The following PIGU variants were observed in gnomAD, a reference collection of about 807,000 sequenced individuals.
PIGU encodes the protein phosphatidylinositol glycan anchor biosynthesis class U, also known as GPI-anchor transamidase component PIGU.
A neutral mutation model predicts 49.9 loss-of-function variants in PIGU; 24 were observed. The ratio of observed to expected loss-of-function variants is 0.48; its 90% CI spans 0.35 to 0.68. The LOEUF is 0.68. Ranked by LOEUF, PIGU falls within the 30% of genes least tolerant of loss-of-function variation. The probability of loss-of-function intolerance (pLI) is 0.01; values close to 1 mark genes in which losing one functional copy is unlikely to be tolerated. For synonymous variants in PIGU, 220 were observed against 205.7 expected (o/e 1.07, Z -0.59); for missense variants, 490 against 532.6 (o/e 0.92, Z 0.79).
chr20:34,636,405 G>A (rs1045542407), intron 5 of PIGU, among the ~76,000 whole-genome samples: 9 of 151,538 alleles, frequency 5.9e-5, no homozygotes, highest in Non-Finnish European at 1.0e-4. Context: ...ATATCCAGGC[G>A]TGGTGGCGGG....
intron 9 of PIGU, among the ~76,000 whole-genome samples, chr20:34,584,881 T>C (rs1983635467): frequency 6.6e-6 from 1 of 152,210 alleles, no homozygotes; most frequent in Non-Finnish European, 1.5e-5. Context: ...AGAGACAGGG[T>C]TTCACCATAT....
intron 2 of PIGU, among the ~76,000 whole-genome samples, chr20:34,653,781 G>A (rs533947040): frequency 6.6e-6 from 1 of 152,204 alleles, no homozygotes; most frequent in South Asian, 2.1e-4. Context: ...AAACACAGAG[G>A]CAATTTCAAG....
intron 1 of PIGU, 123 bp downstream of exon 1, chr20:34,676,833 C>T (rs1323781868): frequency 2.9e-6 from 4 of 1,397,554 alleles, no homozygotes; most frequent in South Asian, 2.5e-5. Flanking sequence ...CCAAGAACCC[C>T]ACGAGACAGT....
At chr20:34,603,262 C>G (rs546264236) in intron 7 of PIGU, among the ~76,000 whole-genome samples, 3 of 152,076 alleles carry the variant, frequency 2.0e-5, no homozygotes, top group African/African-American at 7.2e-5. Flanking sequence ...TTTCTGATGT[C>G]AGCAGTTATT....
intron 2 of PIGU, among the ~76,000 whole-genome samples, chr20:34,649,449 TCAACAGA>T (rs1986459613): frequency 6.6e-6 from 1 of 152,024 alleles, no homozygotes; most frequent in African/African-American, 2.4e-5. Flanking sequence ...CTAGGTATTT[TCAACAGA>T]CTTTATCTTC....
rs554049768 is a variant in PIGU, at chr20:34,586,280, C to T, written c.783-700G>A. Reference sequence around the variant, plus strand: ...TTCAAAAAGGACAACAAATAGGGCACGCAGAGGGAGAGATGAGTGATGGCT... The same window carrying T: ...TTCAAAAAGGACAACAAATAGGGCATGCAGAGGGAGAGATGAGTGATGGCT... On this transcript the variant is annotated intron_variant, in intron 8 of 11. Transcript: ENST00000217446. 1.2e-4 allele frequency among the ~76,000 whole-genome samples: 19 copies of T among 152,266 alleles called. No individual in the cohort carries two copies. In the East Asian group the frequency reaches 3.7e-3, roughly 29 times the overall value.
intron 1 of PIGU, among the ~76,000 whole-genome samples, chr20:34,673,828 G>A (rs1315608508): frequency 6.6e-6 from 1 of 152,230 alleles, no homozygotes; most frequent in Non-Finnish European, 1.5e-5. Context: ...GCCAAGGCGG[G>A]CGGATCACGA....
intron 7 of PIGU, among the ~76,000 whole-genome samples, chr20:34,590,577 G>GTAACATAACATAACA (rs10544376): frequency 0.026 from 3,636 of 140,614 alleles, 89 homozygotes; most frequent in African/African-American, 0.042. Context: ...ATAGCGTAAC[G>GTAACATAACATAACA]TAACATAACA....
chr20:34,611,487 A>G (rs1984810636), intron 7 of PIGU, among the ~76,000 whole-genome samples: 1 of 151,998 alleles, frequency 6.6e-6, no homozygotes, highest in Admixed American at 6.6e-5. Flanking sequence ...TCTACTAAAA[A>G]TACAAAAAAT....
At chr20:34,659,681 G>A (rs144278804) in intron 1 of PIGU, among the ~76,000 whole-genome samples, 1,578 of 152,284 alleles carry the variant, frequency 0.01, 38 homozygotes, top group African/African-American at 0.036. Context: ...GTAGACATGG[G>A]AGACTTTTCA....
At chr20:34,646,349 T>G (rs929771824) in intron 2 of PIGU, among the ~76,000 whole-genome samples, 1 of 152,248 alleles carries the variant, frequency 6.6e-6, no homozygotes, top group Non-Finnish European at 1.5e-5. Flanking sequence ...TTTCATTTTT[T>G]ATTGTTTAAA....
At chr20:34,590,736 A>G (rs1427452606) in intron 7 of PIGU, among the ~76,000 whole-genome samples, 2 of 151,254 alleles carry the variant, frequency 1.3e-5, no homozygotes, top group African/African-American at 4.9e-5. Flanking sequence ...AATATAAGAC[A>G]CAGAGGCCGG....
chr20:34,650,753 A>C (rs1464314119), intron 2 of PIGU, among the ~76,000 whole-genome samples: 1 of 81,284 alleles, frequency 1.2e-5, no homozygotes, highest in Non-Finnish European at 2.3e-5. Flanking sequence ...TCATTCTGTC[A>C]TCCAGTCGGG....
chr20:34,624,358 A>G (rs1288520881), intron 6 of PIGU, among the ~76,000 whole-genome samples: 1 of 152,222 alleles, frequency 6.6e-6, no homozygotes, highest in Non-Finnish European at 1.5e-5. Flanking sequence ...TGACTTGCCC[A>G]AGGTGATAGA....
chr20:34,665,259 A>T (rs1244706985), intron 1 of PIGU, among the ~76,000 whole-genome samples: 1 of 122,048 alleles, frequency 8.2e-6, no homozygotes, highest in Non-Finnish European at 1.6e-5. Flanking sequence ...GCTGGAGTGC[A>T]GTGGCGCGAT....
chr20:34,640,513 A>ACG (rs1283832549), intron 4 of PIGU, among the ~76,000 whole-genome samples: 4 of 111,058 alleles, frequency 3.6e-5, no homozygotes, highest in Non-Finnish European at 8.6e-5. Context: ...ACACACACAC[A>ACG]CACACACACA....
chr20:34,604,540 A>G (rs1395567673), intron 7 of PIGU, among the ~76,000 whole-genome samples: 1 of 152,192 alleles, frequency 6.6e-6, no homozygotes, highest in African/African-American at 2.4e-5. Context: ...TCTTGCCTTC[A>G]TTTTTACCCA....
At chr20:34,577,089 T>C (rs544930715) in intron 10 of PIGU, among the ~76,000 whole-genome samples, 1 of 152,342 alleles carries the variant, frequency 6.6e-6, no homozygotes, top group Admixed American at 6.5e-5. Context: ...CACAGGAGGA[T>C]TGTCTGTTAC....
Position 34,571,544 on chromosome 20 carries a change from G to A in PIGU, c.1194+3560C>T, listed in dbSNP as rs200740338. ...AGCTCTGCTTTGTCTTGCCCAAGGA[G>A]GAGAAAATGAGGCAGGTGAATACCA... On this transcript the variant is annotated intron_variant, in intron 11 of 11. Coordinates refer to ENST00000217446, the MANE Select transcript of PIGU (RefSeq NM_080476.5). Among the ~76,000 whole-genome samples the A allele has an allele frequency of 2.6e-5, 4 of 152,264 alleles. No homozygotes were observed. The East Asian group carries it at 7.7e-4, about 29-fold the overall frequency.
Sources: gnomAD v4.1 joint callset for allele counts (sites outside exome capture counted in the v4.1 genomes callset) on GRCh38, gnomAD v4.1.1 for gene constraint, MANE v1.5 for transcripts, NCBI Gene and HGNC (gene_info 2026-07-23, HGNC 2026-07-21) for gene names.